Variants in EPCAM observed in about 807,000 individuals in gnomAD.
EPCAM encodes epithelial cell adhesion molecule.
In EPCAM, 39 loss-of-function variants were observed where a neutral mutation model predicts 40.0. The observed-to-expected ratio is 0.98, with a 90% CI of 0.76 to 1.27. The LOEUF (loss-of-function observed/expected upper bound fraction) is 1.27, where lower values mean the gene tolerates loss of function less well. Among genes scored for constraint, EPCAM ranks in the 50% most tolerant of loss-of-function variants. EPCAM has a pLI of 0.00. For synonymous variants in EPCAM, 168 were observed against 132.3 expected, an observed-to-expected ratio of 1.27 and a Z score of -1.85; for missense variants, 503 against 381.2, an observed-to-expected ratio of 1.32 and a Z score of -2.66.
At chr2:47,372,521 C>A (rs865808155) in intron 1 of EPCAM, among the ~76,000 whole-genome samples, 1 of 152,054 alleles carries the variant, frequency 6.6e-6, no homozygotes, top group African/African-American at 2.4e-5. Context: ...CACCTGTAAT[C>A]CCAGCACTTT....
rs1020636182 is a variant in EPCAM at position 47,369,478 on chromosome 2, G to C, written c.-28G>C. 4 of 1,502,014 alleles carry C rather than the reference G, an allele frequency of 2.7e-6. No homozygotes were observed. In the African/African-American group the frequency reaches 4.4e-5, roughly 17 times the overall value. The allele number at this position is 1,502,014 out of a possible 1,614,324, so 93.0% of individuals were successfully genotyped here. ...CTCCCGCGAGTCCCGGGCCCCTCCC[G>C]CGCCCCTCTTCTCGGCGCGCGCGCA... On this transcript the variant is annotated 5_prime_UTR_variant, in exon 1 of 9. Coordinates refer to ENST00000263735, the MANE Select transcript of EPCAM (RefSeq NM_002354.3).
At position 47,377,020 on chromosome 2, in the gene EPCAM, T is replaced by TC. The variant is rs606231204; in HGVS notation, c.499dup (p.Gln167ProfsTer21). ...GATTTTAAATTCTTTACAGTGCACT[T>TC]CAGAAGGAGATCACAACGCGTTATC... On this transcript the variant is annotated frameshift_variant, in exon 5 of 9. Transcript: ENST00000263735. LOFTEE classifies it high-confidence loss of function. The TC allele has an allele frequency of 2.5e-6, 4 of 1,606,948 alleles. No homozygotes were observed. In the Middle Eastern group the frequency reaches 6.6e-4, roughly 266 times the overall value.
At chr2:47,376,969 TG>T in intron 4 of EPCAM, 44 bp from the exon 5 acceptor site, 1 of 1,267,718 alleles carries the variant, frequency 7.9e-7, no homozygotes, top group Non-Finnish European at 1.2e-6. Context: ...TACTGTTGTG[TG>T]GTACAAACAT....
In EPCAM at chr2:47,373,922, A is replaced by T. The variant is rs587780557; in HGVS notation, c.299A>T (p.Asp100Val). Residue 100 changes from aspartate to valine, a missense_variant, in exon 3 of 9, where the codon GAT becomes GTT. Coordinates refer to ENST00000263735, the MANE Select transcript of EPCAM (RefSeq NM_002354.3). ...NNDGLYDPDC[D>V]ESGLFKAKQC... ...GATGGGCTTTATGATCCTGACTGCG[A>T]TGAGAGCGGGCTCTTTAAGGCCAAG... 2 of 1,614,144 alleles carry T rather than the reference A, an allele frequency of 1.2e-6. No homozygotes were observed. The highest frequency in any genetic ancestry group is 3.3e-5 in the Admixed American group (2 of 60,010).
intron 7 of EPCAM, among the ~76,000 whole-genome samples, chr2:47,382,023 C>T (rs1279688234): frequency 6.6e-6 from 1 of 152,154 alleles, no homozygotes; most frequent in Non-Finnish European, 1.5e-5. Flanking sequence ...TTGGCTTAGC[C>T]TCCCAAACTG....
At chr2:47,385,978 G>A (rs1020601951) in intron 8 of EPCAM, among the ~76,000 whole-genome samples, 3 of 152,192 alleles carry the variant, frequency 2.0e-5, no homozygotes, top group Admixed American at 6.5e-5. Flanking sequence ...GAGCAGTACA[G>A]ACCTGGGTTT....
At position 47,379,009 on chromosome 2, in the gene EPCAM, G is replaced by A. The variant is rs775276504; in HGVS notation, c.612G>A (p.Gln204=). ...TTCAAAATTCTTCTCAAAAAACTCA[G>A]AATGATGTGGACATAGCTGATGTGG... The part of the protein sequence containing the change: ...DLVQNSSQKT[Q]NDVDIADVAY... Residue 204 remains glutamine (Q), a synonymous_variant, in exon 6 of 9, where the codon CAG becomes CAA. Transcript: ENST00000263735. 1 of 1,604,650 alleles carries A rather than the reference G, an allele frequency of 6.2e-7. No homozygotes were observed. Among genetic ancestry groups the A allele is most frequent in the Non-Finnish European group, 8.5e-7 (1 of 1,171,562 alleles).
intron 4 of EPCAM, among the ~76,000 whole-genome samples, chr2:47,376,108 A>G (rs995372730): frequency 6.6e-6 from 1 of 152,038 alleles, no homozygotes; most frequent in African/African-American, 2.4e-5. Context: ...CATGTATCAC[A>G]TTTAGTTGTC....
chr2:47,373,177 C>G (rs1192271871), intron 1 of EPCAM, among the ~76,000 whole-genome samples: 1 of 139,474 alleles, frequency 7.2e-6, no homozygotes, highest in African/African-American at 2.7e-5. Flanking sequence ...TGCATTCCAG[C>G]CTGGGCCACA....
intron 8 of EPCAM, 101 bp from the exon 9 acceptor site, chr2:47,386,471 T>G: frequency 1.1e-6 from 1 of 889,138 alleles, no homozygotes; most frequent in Non-Finnish European, 1.8e-6. Flanking sequence ...AAAAATTATC[T>G]TGTGTTCCTT....
At chr2:47,382,767 A>T (rs1671626696) in intron 7 of EPCAM, among the ~76,000 whole-genome samples, 1 of 152,194 alleles carries the variant, frequency 6.6e-6, no homozygotes, top group African/African-American at 2.4e-5. Context: ...AATTATGTTT[A>T]TTGTATCTAC....
In EPCAM at chr2:47,386,803, C is replaced by T. The variant is rs1273333130; in HGVS notation, c.*190C>T. Reference sequence around the variant, plus strand: ...TGGCTTTACCAATCTTGAAATTTGACCACAAGTGTCTTATATATGCAGATC... The same window carrying T: ...TGGCTTTACCAATCTTGAAATTTGATCACAAGTGTCTTATATATGCAGATC... On this transcript the variant is annotated 3_prime_UTR_variant, in exon 9 of 9. Coordinates refer to ENST00000263735, the MANE Select transcript of EPCAM (RefSeq NM_002354.3). 1 of 483,586 alleles carries T rather than the reference C, an allele frequency of 2.1e-6. No homozygotes were observed. Among genetic ancestry groups the T allele is most frequent in the African/African-American group, 1.9e-5 (1 of 51,908 alleles). The allele number at this position is 483,586 out of a possible 1,614,324, so 30.0% of individuals were successfully genotyped here.
chr2:47,371,979 G>A lies in EPCAM; in HGVS notation c.77-1484G>A, dbSNP rs192396657. On this transcript the variant is annotated intron_variant, in intron 1 of 8. Transcript: ENST00000263735. ...TGAGGAGATAGTTTTTGTTTTTAAT[G>A]ATTGTGCTCTTTTAACTAGACAAAA... Among the ~76,000 whole-genome samples, 43 of 152,192 alleles carry A rather than the reference G, an allele frequency of 2.8e-4. No individual in the cohort carries two copies. The East Asian group carries it at 6.6e-3, about 23-fold the overall frequency.
At chr2:47,380,559 A>C (rs1463155346) in intron 7 of EPCAM, among the ~76,000 whole-genome samples, 1 of 152,188 alleles carries the variant, frequency 6.6e-6, no homozygotes, top group Non-Finnish European at 1.5e-5. Flanking sequence ...TTGTCACTGC[A>C]AACAATTCAA....
chr2:47,379,087 G>T, intron 6 of EPCAM, 33 bp downstream of exon 6: 1 of 1,114,708 alleles, frequency 9.0e-7, no homozygotes, highest in Non-Finnish European at 1.4e-6. Context: ...CTGTGTTCAG[G>T]AATGTAGTCT....
Position 47,369,573 on chromosome 2 carries a change from C to T in EPCAM, c.68C>T (p.Ala23Val), listed in dbSNP as rs1671161806. The T allele has an allele frequency of 6.3e-7, 1 of 1,591,278 alleles. No homozygotes were observed. Among genetic ancestry groups the T allele is most frequent in the African/African-American group, 1.3e-5 (1 of 74,306 alleles). ...GCGGCGACGGCGACTTTTGCCGCAG[C>T]TCAGGAAGGTGAGGCGCGGATTGGA... ...LAAATATFAA[A>V]QEECVCENYK... is the part of the protein sequence containing the mutation. The change falls in exon 1 of 9, where the codon GCT becomes GTT. Residue 23 changes from alanine to valine, a missense_variant. Transcript: ENST00000263735.
Position 47,377,066 on chromosome 2 carries a change from A to G in EPCAM, c.544A>G (p.Thr182Ala), listed in dbSNP as rs2103753467. Reference sequence around the variant, plus strand: ...TTATCAACTGGATCCAAAATTTATCACGAGTATTTTGGTATGATTTTTTAA... The same window carrying G: ...TTATCAACTGGATCCAAAATTTATCGCGAGTATTTTGGTATGATTTTTTAA... ...TRYQLDPKFI[T>A]SILYENNVIT... is the part of the protein sequence containing the mutation. Residue 182 changes from threonine to alanine, a missense_variant, in exon 5 of 9, where the codon ACG (threonine) becomes GCG (alanine). By Grantham distance (58) the Thr-to-Ala change is moderately conservative (BLOSUM62 0). Transcript: ENST00000263735. The G allele has an allele frequency of 6.2e-7, 1 of 1,603,326 alleles. No homozygotes were observed. The highest frequency in any genetic ancestry group is 1.1e-5 in the South Asian group (1 of 90,888).
rs932893934 is a variant in EPCAM at position 47,381,560 on chromosome 2, G to A, written c.858+1591G>A. Among the ~76,000 whole-genome samples, 21 of 152,238 alleles carry A rather than the reference G, an allele frequency of 1.4e-4. No homozygotes were observed. The East Asian group carries it at 3.9e-3, about 28-fold the overall frequency. The stretch of plus-strand genomic sequence containing the variant: ...TTCACTCCACCAGGCTGGCCATATT[G>A]CCCAGCTGTGTGAGGGTGGCATGTC... On this transcript the variant is annotated intron_variant, in intron 7 of 8. Coordinates refer to ENST00000263735, the MANE Select transcript of EPCAM (RefSeq NM_002354.3).
Position 47,376,907 on chromosome 2 carries a change from C to T in EPCAM, c.492-107C>T, listed in dbSNP as rs1042674427. On this transcript the variant is annotated intron_variant, in intron 4 of 8. Coordinates refer to ENST00000263735, the MANE Select transcript of EPCAM (RefSeq NM_002354.3). ...TTGCAAAATGGCAGAAAAATTTTAACTTTAATGACAGTTTTAGACCCTGAG... is the reference window on the plus strand; with the variant it reads ...TTGCAAAATGGCAGAAAAATTTTAATTTTAATGACAGTTTTAGACCCTGAG... The T allele has an allele frequency of 1.5e-5, 11 of 730,054 alleles. No individual in the cohort carries two copies. The African/African-American group carries it at 2.0e-4, about 13-fold the overall frequency. The allele number at this position is 730,054 out of a possible 1,614,324, so 45.2% of individuals were successfully genotyped here.
Sources: allele counts gnomAD v4.1 joint callset (sites outside exome capture counted in the v4.1 genomes callset), GRCh38; gene constraint gnomAD v4.1.1; transcripts MANE v1.5; gene names NCBI Gene and HGNC (gene_info 2026-07-23, HGNC 2026-07-21).